Variants in TAFA5 observed in about 807,000 individuals in gnomAD.
The protein encoded by TAFA5 is chemokine-like protein TAFA-5.
Under a neutral mutation model 15.3 loss-of-function variants are expected in TAFA5, and 6 were observed. That is an observed-to-expected ratio of 0.39 (90% CI 0.21 to 0.77). TAFA5 has a LOEUF of 0.77. Among genes scored for constraint, TAFA5 ranks in the 30% least tolerant of loss-of-function variants. TAFA5 has a pLI of 0.41. For synonymous variants in TAFA5, 103 were observed against 80.7 expected (o/e 1.28, Z -1.48); for missense variants, 161 against 193.1 (o/e 0.83, Z 0.98).
At position 48,493,815 on chromosome 22, in the gene TAFA5, C is replaced by T. The variant is rs1479859166; in HGVS notation, c.112+4111C>T. Among the ~76,000 whole-genome samples, 4 of 152,108 alleles carry T rather than the reference C, an allele frequency of 2.6e-5. 1 individual carries two copies. Among genetic ancestry groups the T allele is most frequent in the East Asian group, 1.9e-4 (1 of 5,178 alleles). ...AGGGACCCCTGGGGGAAGGGACTTC[C>T]GAAGGGACCCCTGGGGGAAGGGACT... On this transcript the variant is annotated intron_variant, in intron 1 of 3. Transcript: ENST00000402357.
chr22:48,593,130 C>T (rs924859764), intron 1 of TAFA5, among the ~76,000 whole-genome samples: 1 of 152,190 alleles, frequency 6.6e-6, no homozygotes, highest in Non-Finnish European at 1.5e-5. Context: ...AAGTCACGTC[C>T]GCGAACAGTG....
At chr22:48,492,576 G>A (rs1008536502) in intron 1 of TAFA5, among the ~76,000 whole-genome samples, 6 of 152,178 alleles carry the variant, frequency 3.9e-5, no homozygotes, top group Non-Finnish European at 2.9e-5. Context: ...GCCGGAGAAA[G>A]ACCTGCAGTC....
chr22:48,499,887 G>C (rs961675109), intron 1 of TAFA5, among the ~76,000 whole-genome samples: 1 of 152,124 alleles, frequency 6.6e-6, no homozygotes, highest in Admixed American at 6.6e-5. Context: ...TGTGCGTTCC[G>C]GGGTGTTAGA....
chr22:48,698,051 T>G, intron 2 of TAFA5, among the ~76,000 whole-genome samples: 1 of 138,480 alleles, frequency 7.2e-6, no homozygotes, highest in Non-Finnish European at 1.5e-5. Flanking sequence ...TGGTGGTGGT[T>G]AGGATGATGT....
chr22:48,610,427 G>T (rs371419051), intron 1 of TAFA5, among the ~76,000 whole-genome samples: 2 of 152,258 alleles, frequency 1.3e-5, no homozygotes, highest in Non-Finnish European at 2.9e-5. Context: ...AAATCACGAC[G>T]AAAGGTACAC....
chr22:48,630,370 A>G (rs1237491862), intron 1 of TAFA5, among the ~76,000 whole-genome samples: 1 of 152,194 alleles, frequency 6.6e-6, no homozygotes, highest in African/African-American at 2.4e-5. Flanking sequence ...GCAGGCGCCC[A>G]GAGCTGGTGA....
chr22:48,671,274 A>G (rs761965238), intron 2 of TAFA5, among the ~76,000 whole-genome samples: 3 of 152,170 alleles, frequency 2.0e-5, no homozygotes, highest in Non-Finnish European at 4.4e-5. Flanking sequence ...AGTCCTCCTC[A>G]ATGTGCAGGG....
intron 1 of TAFA5, among the ~76,000 whole-genome samples, chr22:48,580,076 C>T (rs193078453): frequency 1.3e-5 from 2 of 152,308 alleles, no homozygotes; most frequent in African/African-American, 2.4e-5. Context: ...ACGGTGTACC[C>T]GGGCCTCGAT....
At chr22:48,680,523 G>C (rs1928150692) in intron 2 of TAFA5, among the ~76,000 whole-genome samples, 2 of 152,116 alleles carry the variant, frequency 1.3e-5, no homozygotes, top group African/African-American at 4.8e-5. Flanking sequence ...CCAAGAAAGG[G>C]AAGTGGGCAC....
chr22:48,547,732 G>A (rs1569021461), intron 1 of TAFA5, among the ~76,000 whole-genome samples: 1 of 152,182 alleles, frequency 6.6e-6, no homozygotes, highest in East Asian at 1.9e-4. Context: ...AGCGTGTTAG[G>A]AATGTCCATC....
intron 2 of TAFA5, among the ~76,000 whole-genome samples, chr22:48,701,123 G>A (rs995036829): frequency 6.6e-5 from 10 of 152,148 alleles, no homozygotes; most frequent in African/African-American, 2.2e-4. Context: ...GTGGGTGCCC[G>A]AGGCGGCACA....
At chr22:48,501,175 A>G (rs990257082) in intron 1 of TAFA5, among the ~76,000 whole-genome samples, 4 of 152,046 alleles carry the variant, frequency 2.6e-5, no homozygotes, top group Non-Finnish European at 5.9e-5. Context: ...CCGCGCTGCC[A>G]CAAGACTGGC....
rs1387050326 is a variant in TAFA5, at chr22:48,597,294, T to G, written c.113-49303T>G. On this transcript the variant is annotated intron_variant, in intron 1 of 3. Transcript: ENST00000402357. ...CCCATCACCCGGGCCTCAGTTTCCC[T>G]GCTGTTCCCCTCTCTACCGGCTGGC... Among the ~76,000 whole-genome samples the G allele has an allele frequency of 2.0e-5, 3 of 151,906 alleles. No homozygotes were observed. In the South Asian group the frequency reaches 6.3e-4, roughly 32 times the overall value.
chr22:48,746,275 C>A (rs1345944734), intron 3 of TAFA5, among the ~76,000 whole-genome samples: 3 of 152,032 alleles, frequency 2.0e-5, no homozygotes, highest in Non-Finnish European at 4.4e-5. Context: ...TCAGGAAGCA[C>A]CCCACTCGTC....
chr22:48,654,450 C>T (rs1927166242), intron 2 of TAFA5, among the ~76,000 whole-genome samples: 1 of 152,230 alleles, frequency 6.6e-6, no homozygotes, highest in Admixed American at 6.5e-5. Context: ...ACCGTCACTC[C>T]TTCCCATGAG....
chr22:48,694,772 C>G (rs1928651653), intron 2 of TAFA5, among the ~76,000 whole-genome samples: 1 of 144,238 alleles, frequency 6.9e-6, no homozygotes, highest in South Asian at 2.4e-4. Context: ...ACCGCTCAGA[C>G]CTCCTCCCCC....
At chr22:48,720,952 A>G (rs1200405900) in intron 3 of TAFA5, among the ~76,000 whole-genome samples, 1 of 152,076 alleles carries the variant, frequency 6.6e-6, no homozygotes, top group Non-Finnish European at 1.5e-5. Context: ...AGGCCCCCTC[A>G]TGCACAGTGA....
At position 48,604,784 on chromosome 22, in the gene TAFA5, C is replaced by T. The variant is rs1050465730; in HGVS notation, c.113-41813C>T. 3.3e-5 allele frequency among the ~76,000 whole-genome samples: 5 copies of T among 152,272 alleles called. No individual in the cohort carries two copies. The South Asian group carries it at 6.2e-4, about 19-fold the overall frequency. ...TTGGGGAGGATTGAGGGGCCCAGGGCAGGCTGGGGGCCTCTCTAAGGGTAT... is the reference window on the plus strand; with the variant it reads ...TTGGGGAGGATTGAGGGGCCCAGGGTAGGCTGGGGGCCTCTCTAAGGGTAT... On this transcript the variant is annotated intron_variant, in intron 1 of 3. Transcript: ENST00000402357.
At chr22:48,670,671 G>A (rs559848027) in intron 2 of TAFA5, among the ~76,000 whole-genome samples, 25 of 152,352 alleles carry the variant, frequency 1.6e-4, no homozygotes, top group Non-Finnish European at 1.8e-4. Context: ...ATTTAGGAGC[G>A]GCTGGTTAAT....
Sources: gnomAD v4.1 joint callset for allele counts (sites outside exome capture counted in the v4.1 genomes callset) on GRCh38, gnomAD v4.1.1 for gene constraint, MANE v1.5 for transcripts, NCBI Gene and HGNC (gene_info 2026-07-23, HGNC 2026-07-21) for gene names.